FAM83D: variants seen among roughly 807,000 people sequenced by gnomAD.
FAM83D encodes the protein protein FAM83D.
FAM83D carries 26 observed loss-of-function variants against 25.4 expected under a neutral mutation model. That is an observed-to-expected ratio of 1.02 (90% CI 0.75 to 1.42). The LOEUF (loss-of-function observed/expected upper bound fraction) is 1.42. Ranked by LOEUF, FAM83D falls within the 40% of genes most tolerant of loss-of-function variation. FAM83D has a pLI of 0.00. For synonymous variants in FAM83D, 310 were observed against 318.5 expected, an observed-to-expected ratio of 0.97 and a Z score of 0.28; for missense variants, 740 against 758.1, an observed-to-expected ratio of 0.98 and a Z score of 0.28.
intron 1 of FAM83D, among the ~76,000 whole-genome samples, chr20:38,931,387 AGT>A (rs2085658382): frequency 1.3e-5 from 2 of 152,184 alleles, no homozygotes; most frequent in South Asian, 4.1e-4. Flanking sequence ...TGTAAACTAG[AGT>A]GTGTTTTCCT....
At chr20:38,948,425 C>T (rs1345590243) in intron 3 of FAM83D, among the ~76,000 whole-genome samples, 1 of 152,220 alleles carries the variant, frequency 6.6e-6, no homozygotes, top group African/African-American at 2.4e-5. Flanking sequence ...AGAGCCAGAG[C>T]TGTCAGCTTT....
At position 38,937,107 on chromosome 20, in the gene FAM83D, C is replaced by T. The variant is rs994822895; in HGVS notation, c.484-4852C>T. ...TGGTCAGCAGGCCGGCCATTATGCC[C>T]CTGACCAGCTGGATGCGTCCTCCTC... On this transcript the variant is annotated intron_variant, in intron 1 of 3. Coordinates refer to ENST00000619850, the MANE Select transcript of FAM83D (RefSeq NM_030919.3). Among the ~76,000 whole-genome samples, 55 of 152,306 alleles carry T rather than the reference C, an allele frequency of 3.6e-4. 1 individual carries two copies. Among genetic ancestry groups the T allele is most frequent in the Non-Finnish European group, 1.9e-4 (13 of 68,018 alleles).
chr20:38,951,477 A>G, intron 3 of FAM83D, 62 bp from the exon 4 acceptor site: 2 of 1,544,446 alleles, frequency 1.3e-6, no homozygotes, highest in Non-Finnish European at 1.7e-6. Flanking sequence ...TCAGATGGAC[A>G]GTGAGTAAAA....
rs34435879 is a variant in FAM83D, at chr20:38,934,493, C to CAA, written c.484-7446_484-7445dup. Among the ~76,000 whole-genome samples, 423 of 77,838 alleles carry CAA rather than the reference C, an allele frequency of 5.4e-3. 4 individuals carry two copies. Among genetic ancestry groups the CAA allele is most frequent in the African/African-American group, 0.011 (252 of 23,964 alleles). The allele number at this position is 77,838 out of a possible 152,430, so 51.1% of individuals were successfully genotyped here. On this transcript the variant is annotated intron_variant, in intron 1 of 3. Coordinates refer to ENST00000619850, the MANE Select transcript of FAM83D (RefSeq NM_030919.3). ...GGGCAACAAGAGTGAAACTCCGTCTCAAAAAAAAAAAAAAAAAAAAATTCT... is the reference window on the plus strand; with the variant it reads ...GGGCAACAAGAGTGAAACTCCGTCTCAAAAAAAAAAAAAAAAAAAAAAATTCT...
Position 38,951,545 on chromosome 20 carries a change from A to C in FAM83D, c.783A>C (p.Thr261=), listed in dbSNP as rs1244951030. 5.0e-6 allele frequency: 8 copies of C among 1,610,506 alleles called. No individual in the cohort carries two copies. In the African/African-American group the frequency reaches 1.1e-4, roughly 22 times the overall value. The part of the protein sequence containing the change: ...IRVATGSYSF[T]WTDGKLNSSN... ...TTTCTTTTTAATCTTTAAGTTTTAC[A>C]TGGACGGATGGCAAATTAAACAGCA... Residue 261 remains threonine (T), a synonymous_variant, in exon 4 of 4, where the codon ACA becomes ACC. Coordinates refer to ENST00000619850, the MANE Select transcript of FAM83D (RefSeq NM_030919.3).
At chr20:38,950,014 G>A (rs924101620) in intron 3 of FAM83D, among the ~76,000 whole-genome samples, 5 of 152,020 alleles carry the variant, frequency 3.3e-5, no homozygotes, top group Admixed American at 1.3e-4. Flanking sequence ...GTAGAGATGG[G>A]GTTTCACTAT....
At chr20:38,934,285 T>C (rs968023763) in intron 1 of FAM83D, among the ~76,000 whole-genome samples, 1 of 152,036 alleles carries the variant, frequency 6.6e-6, no homozygotes, top group Non-Finnish European at 1.5e-5. Context: ...AACCCAAAAA[T>C]GTAGTGGATA....
chr20:38,942,042 T>C lies in FAM83D; in HGVS notation c.567T>C (p.Ala189=), dbSNP rs1389072858. ...AAATATGCAGGAAACAGGGAGTTGC[T>C]GTGTATATCCTTCTGGACCAGGCTC... is the stretch of plus-strand genomic sequence containing the variant. ...LQEICRKQGV[A]VYILLDQALL... is the part of the protein sequence containing the mutation. The change falls in exon 2 of 4, where the codon GCT becomes GCC. Residue 189 remains alanine (A), a synonymous_variant. Transcript: ENST00000619850. 2 of 1,614,240 alleles carry C rather than the reference T, an allele frequency of 1.2e-6. No individual in the cohort carries two copies. The highest frequency in any genetic ancestry group is 1.3e-5 in the African/African-American group (1 of 75,056).
Position 38,942,076 on chromosome 20 carries a change from C to G in FAM83D, c.601C>G (p.Gln201Glu), listed in dbSNP as rs752882835. 1.5e-5 allele frequency: 25 copies of G among 1,614,088 alleles called. No homozygotes were observed. Residue 201 changes from glutamine (Q) to glutamate (E), a missense_variant, in exon 2 of 4, where the codon CAA (glutamine) becomes GAA (glutamate). Coordinates refer to ENST00000619850, the MANE Select transcript of FAM83D (RefSeq NM_030919.3). ...CCTTCTGGACCAGGCTCTCCTCTCT[C>G]AATTTCTGGATATGTGCATGGATCT... is the stretch of plus-strand genomic sequence containing the variant. Reference protein sequence around the residue: ...YILLDQALLSQFLDMCMDLKV... With the variant: ...YILLDQALLSEFLDMCMDLKV...
rs990534753 is a variant in FAM83D, at chr20:38,952,820, G to C, written c.*300G>C. 2 of 384,266 alleles carry C rather than the reference G, an allele frequency of 5.2e-6. No homozygotes were observed. Among genetic ancestry groups the C allele is most frequent in the Non-Finnish European group, 9.4e-6 (2 of 213,052 alleles). The allele number at this position is 384,266 out of a possible 1,614,324, so 23.8% of individuals were successfully genotyped here. ...ATGACAGACCACGTATATGTTGGCA[G>C]TCTCATAAGATTATAATACTGTATT... On this transcript the variant is annotated 3_prime_UTR_variant, in exon 4 of 4. Transcript: ENST00000619850.
At chr20:38,935,037 T>C (rs1189933991) in intron 1 of FAM83D, among the ~76,000 whole-genome samples, 1 of 152,102 alleles carries the variant, frequency 6.6e-6, no homozygotes, top group Non-Finnish European at 1.5e-5. Context: ...ATAAAACAAA[T>C]ATGTTTATAT....
In FAM83D at chr20:38,934,053, A is replaced by C. The variant is rs181869879; in HGVS notation, c.483+7128A>C. 3.9e-3 allele frequency among the ~76,000 whole-genome samples: 598 copies of C among 152,124 alleles called. 2 individuals are homozygous for C. The highest frequency in any genetic ancestry group is 0.014 in the African/African-American group (574 of 41,496). On this transcript the variant is annotated intron_variant, in intron 1 of 3. Transcript: ENST00000619850. ...TGTATTTTAGTAGAAACAGGGTTTC[A>C]CCATGTCGGCCAGCATGGTCTCAAG... is the stretch of plus-strand genomic sequence containing the variant.
In FAM83D at chr20:38,952,858, T is replaced by G; in HGVS notation, c.*338T>G. Reference sequence around the variant, plus strand: ...ATAATACTGTATTTTTACTATACCTTTTCTGTGTTTAGATACAAATACCAT... The same window carrying G: ...ATAATACTGTATTTTTACTATACCTGTTCTGTGTTTAGATACAAATACCAT... On this transcript the variant is annotated 3_prime_UTR_variant, in exon 4 of 4. Transcript: ENST00000619850. The G allele has an allele frequency of 3.6e-6, 1 of 274,916 alleles. No homozygotes were observed. The highest frequency in any genetic ancestry group is 6.9e-6 in the Non-Finnish European group (1 of 145,168). 17.0% of individuals were successfully genotyped at this position (274,916 alleles called of 1,614,324 possible).
At position 38,936,402 on chromosome 20, in the gene FAM83D, C is replaced by T. The variant is rs113995969; in HGVS notation, c.484-5557C>T. On this transcript the variant is annotated intron_variant, in intron 1 of 3. Coordinates refer to ENST00000619850, the MANE Select transcript of FAM83D (RefSeq NM_030919.3). ...GGAATGGCTTGTCCAGGGATAGTGACGGAATCGGGACTAAGAATATGAGTA... is the reference window on the plus strand; with the variant it reads ...GGAATGGCTTGTCCAGGGATAGTGATGGAATCGGGACTAAGAATATGAGTA... Among the ~76,000 whole-genome samples, 1,310 of 151,840 alleles carry T rather than the reference C, an allele frequency of 8.6e-3. 16 individuals are homozygous for T. Among genetic ancestry groups the T allele is most frequent in the African/African-American group, 0.03 (1,243 of 41,364 alleles).
At chr20:38,943,565 A>G (rs552415582) in intron 2 of FAM83D, among the ~76,000 whole-genome samples, 12 of 152,250 alleles carry the variant, frequency 7.9e-5, no homozygotes, top group African/African-American at 2.9e-4. Context: ...TTTTATGTCT[A>G]TTTCTCTGAT....
intron 1 of FAM83D, among the ~76,000 whole-genome samples, chr20:38,936,255 G>C (rs1295502875): frequency 6.6e-6 from 1 of 152,194 alleles, no homozygotes; most frequent in African/African-American, 2.4e-5. Flanking sequence ...CTGGCCCTGA[G>C]GGGCCTGTTG....
chr20:38,930,374 A>G (rs904482849), intron 1 of FAM83D, among the ~76,000 whole-genome samples: 1 of 152,234 alleles, frequency 6.6e-6, no homozygotes, highest in African/African-American at 2.4e-5. Context: ...GGCACAGAGA[A>G]GTTAAGTAAC....
chr20:38,949,427 T>G (rs1455189592), intron 3 of FAM83D, among the ~76,000 whole-genome samples: 1 of 152,210 alleles, frequency 6.6e-6, no homozygotes, highest in African/African-American at 2.4e-5. Flanking sequence ...ACCAAAGTGC[T>G]GGGGTTACAG....
intron 1 of FAM83D, among the ~76,000 whole-genome samples, chr20:38,930,979 A>C (rs1439741182): frequency 6.6e-6 from 1 of 151,998 alleles, no homozygotes; most frequent in Non-Finnish European, 1.5e-5. Flanking sequence ...CATGTTGCCC[A>C]GGCTGGTGTT....
Sources: gnomAD v4.1 joint callset for allele counts (sites outside exome capture counted in the v4.1 genomes callset) on GRCh38, gnomAD v4.1.1 for gene constraint, MANE v1.5 for transcripts, NCBI Gene and HGNC (gene_info 2026-07-23, HGNC 2026-07-21) for gene names.